Variants in CNIH3 observed in about 807,000 individuals in gnomAD.
CNIH3 encodes protein cornichon homolog 3.
CNIH3 carries 14 observed loss-of-function variants against 24.1 expected under a neutral mutation model. The ratio of observed to expected loss-of-function variants is 0.58; its 90% CI spans 0.38 to 0.91. The LOEUF is 0.91. Among genes scored for constraint, CNIH3 ranks in the 40% least tolerant of loss-of-function variants. CNIH3 has a pLI of 0.00. For missense variants in CNIH3, 178 were observed against 196.8 expected, an observed-to-expected ratio of 0.90 and a Z score of 0.57; for synonymous variants, 68 against 73.8, an observed-to-expected ratio of 0.92 and a Z score of 0.40.
At chr1:224,588,299 T>C (rs1681596863) in intron 5 of CNIH3, 3 of 152,222 alleles carry the variant, frequency 2.0e-5, no homozygotes, top group African/African-American at 7.2e-5. Flanking sequence ...GTATGAATAA[T>C]TTTTAAAATT....
At chr1:224,454,717 A>G (rs1015870677) in intron 1 of CNIH3, among the ~76,000 whole-genome samples, 1 of 152,158 alleles carries the variant, frequency 6.6e-6, no homozygotes, top group Admixed American at 6.5e-5. Flanking sequence ...GCTTTCTAGA[A>G]GAGAATCGGC....
Position 224,684,122 on chromosome 1 carries a change from A to G in CNIH3, c.151-674A>G, listed in dbSNP as rs1686535142. Among the ~76,000 whole-genome samples, 1 of 152,204 alleles carries G rather than the reference A, an allele frequency of 6.6e-6. No homozygotes were observed. The highest frequency in any genetic ancestry group is 1.5e-5 in the Non-Finnish European group (1 of 68,040). On this transcript the variant is annotated intron_variant, in intron 2 of 5. Transcript: ENST00000272133. The surrounding 1 kb of genome is among the most constrained non-coding windows in gnomAD (Gnocchi z 4.2). ...TGTGGCTTTGGAAATCGTTAAAGTC[A>G]CTGAAGGAAAAGGGAGGCAACGGCA... is the stretch of plus-strand genomic sequence containing the variant.
intron 3 of CNIH3, among the ~76,000 whole-genome samples, chr1:224,608,585 T>C (rs905956996): frequency 6.6e-6 from 1 of 152,208 alleles, no homozygotes; most frequent in Non-Finnish European, 1.5e-5. Context: ...CTGGAATCTA[T>C]AGATAACATA....
intron 1 of CNIH3, among the ~76,000 whole-genome samples, chr1:224,652,608 AG>A (rs1160857809): frequency 1.3e-5 from 2 of 152,122 alleles, no homozygotes; most frequent in African/African-American, 4.8e-5. Context: ...TAGGTGTTCC[AG>A]GTATGGCGAG....
downstream of CNIH3, among the ~76,000 whole-genome samples, chr1:224,541,952 G>C (rs994045792): frequency 3.9e-5 from 6 of 152,118 alleles, no homozygotes; most frequent in Non-Finnish European, 7.3e-5. Context: ...CTGCTGTTTA[G>C]ATAATACTTT....
intron 1 of CNIH3, among the ~76,000 whole-genome samples, chr1:224,503,288 C>T (rs978261608): frequency 6.6e-6 from 1 of 152,186 alleles, no homozygotes; most frequent in East Asian, 1.9e-4. Flanking sequence ...AAGCCAGGAC[C>T]GCAGAGTGTT....
At chr1:224,540,872 T>C (rs146155838), downstream of CNIH3, among the ~76,000 whole-genome samples, 156 of 152,344 alleles carry the variant, frequency 1.0e-3, 1 homozygote, top group African/African-American at 3.7e-3. Context: ...ATTAGAATAT[T>C]TTTATAGAAT....
intron 2 of CNIH3, among the ~76,000 whole-genome samples, chr1:224,544,108 T>A (rs1679612740): frequency 6.6e-6 from 1 of 152,214 alleles, no homozygotes; most frequent in Non-Finnish European, 1.5e-5. Context: ...GCTTTTTGGC[T>A]CTTGGACCAT....
intron 3 of CNIH3, among the ~76,000 whole-genome samples, chr1:224,558,422 G>A (rs541246254): frequency 2.0e-5 from 3 of 152,136 alleles, no homozygotes; most frequent in Admixed American, 2.0e-4. Context: ...GGTGGGGAAC[G>A]ATGGAATACC....
chr1:224,448,508 T>C (rs1377069684), intron 1 of CNIH3, among the ~76,000 whole-genome samples: 2 of 152,214 alleles, frequency 1.3e-5, no homozygotes, highest in East Asian at 3.8e-4. Flanking sequence ...TGTTTTCAAG[T>C]TTGTCACCTT....
At chr1:224,673,208 T>C (rs899988709) in intron 1 of CNIH3, among the ~76,000 whole-genome samples, 1 of 152,148 alleles carries the variant, frequency 6.6e-6, no homozygotes, top group Non-Finnish European at 1.5e-5. Flanking sequence ...CTCCTTTTGT[T>C]AGAGTGAGAG....
chr1:224,540,867 A>T (rs544623685), downstream of CNIH3, among the ~76,000 whole-genome samples: 5 of 152,216 alleles, frequency 3.3e-5, no homozygotes, highest in Non-Finnish European at 7.3e-5. Flanking sequence ...TTCTCATTAG[A>T]ATATTTTTAT....
intron 4 of CNIH3, among the ~76,000 whole-genome samples, chr1:224,571,341 G>A (rs111326954): frequency 2.0e-5 from 3 of 152,166 alleles, no homozygotes; most frequent in African/African-American, 7.2e-5. Flanking sequence ...TCAGCCAGGT[G>A]AGACACGGAG....
intron 5 of CNIH3, among the ~76,000 whole-genome samples, chr1:224,584,593 G>A (rs1235507299): frequency 6.6e-6 from 1 of 152,194 alleles, no homozygotes; most frequent in East Asian, 1.9e-4. Flanking sequence ...ATTCACATTT[G>A]CAGTCATCAG....
At chr1:224,683,046 G>T (rs1395761336) in intron 2 of CNIH3, among the ~76,000 whole-genome samples, 2 of 152,208 alleles carry the variant, frequency 1.3e-5, no homozygotes, top group African/African-American at 4.8e-5. Flanking sequence ...ACTAGTATAT[G>T]CTCTCCGGGA....
At chr1:224,620,835 A>G (rs1683245309) in intron 1 of CNIH3, among the ~76,000 whole-genome samples, 1 of 152,134 alleles carries the variant, frequency 6.6e-6, no homozygotes, top group Non-Finnish European at 1.5e-5. Flanking sequence ...CCCCATTTCT[A>G]AGAAAAAAAA....
At chr1:224,630,501 A>G (rs1218337862) in intron 1 of CNIH3, among the ~76,000 whole-genome samples, 2 of 151,796 alleles carry the variant, frequency 1.3e-5, no homozygotes, top group Non-Finnish European at 2.9e-5. Flanking sequence ...TCTCTCACAC[A>G]TGTACACAAT....
chr1:224,569,869 A>G (rs1035394714), intron 4 of CNIH3, among the ~76,000 whole-genome samples: 8 of 151,962 alleles, frequency 5.3e-5, no homozygotes, highest in African/African-American at 1.4e-4. Flanking sequence ...CTGCAAACTC[A>G]ACCTCCCGGG....
chr1:224,597,344 T>G (rs1383708161), intron 3 of CNIH3, among the ~76,000 whole-genome samples: 2 of 152,194 alleles, frequency 1.3e-5, no homozygotes, highest in African/African-American at 2.4e-5. Flanking sequence ...TGACTGTGGA[T>G]TATGAGACCT....
Sources: allele counts gnomAD v4.1 joint callset (sites outside exome capture counted in the v4.1 genomes callset), GRCh38; gene constraint gnomAD v4.1.1; non-coding constraint Gnocchi (gnomAD v3.1); transcripts MANE v1.5; gene names NCBI Gene and HGNC (gene_info 2026-07-23, HGNC 2026-07-21).